THSD7A: variants seen among roughly 807,000 people sequenced by gnomAD.
THSD7A encodes the protein thrombospondin type 1 domain containing 7A, also known as thrombospondin type-1 domain-containing protein 7A.
A neutral mutation model predicts 231.3 loss-of-function variants in THSD7A; 96 were observed. The ratio of observed to expected loss-of-function variants is 0.41; its 90% CI spans 0.35 to 0.49. The LOEUF (loss-of-function observed/expected upper bound fraction) is 0.49. Ranked by LOEUF, THSD7A falls within the 20% of genes least tolerant of loss-of-function variation. The probability of loss-of-function intolerance (pLI) is 0.05; values close to 1 mark genes in which losing one functional copy is unlikely to be tolerated. For synonymous variants in THSD7A, 940 were observed against 743.3 expected, an observed-to-expected ratio of 1.26 and a Z score of -4.30; for missense variants, 2,290 against 2,070.2, an observed-to-expected ratio of 1.11 and a Z score of -2.06.
chr7:11,460,515 T>C, intron 11 of THSD7A, 147 bp downstream of exon 11: 1 of 516,154 alleles, frequency 1.9e-6, no homozygotes, highest in Non-Finnish European at 3.4e-6. Flanking sequence ...CATGTTTCTA[T>C]GTCCTGATGT....
At chr7:11,581,797 T>C (rs1347139509) in intron 4 of THSD7A, among the ~76,000 whole-genome samples, 3 of 152,120 alleles carry the variant, frequency 2.0e-5, no homozygotes, top group African/African-American at 4.8e-5. Flanking sequence ...TGTACACATA[T>C]ATGGCAAACT....
chr7:11,417,383 G>T, intron 17 of THSD7A, 67 bp downstream of exon 17: 1 of 1,376,528 alleles, frequency 7.3e-7, no homozygotes, highest in South Asian at 1.5e-5. Flanking sequence ...AAAAAATAAT[G>T]TCTTTAAAGC....
chr7:11,405,684 C>T (rs1210673833), intron 22 of THSD7A, among the ~76,000 whole-genome samples: 1 of 152,192 alleles, frequency 6.6e-6, no homozygotes, highest in Middle Eastern at 3.2e-3. Context: ...TCTACTTTTA[C>T]TGCATGCACT....
chr7:11,408,347 A>C (rs985020320), intron 19 of THSD7A, among the ~76,000 whole-genome samples: 5 of 151,968 alleles, frequency 3.3e-5, no homozygotes, highest in Non-Finnish European at 5.9e-5. Context: ...AAAATATAAA[A>C]ATTAGCTGGG....
At chr7:11,779,897 G>A (rs750305347) in intron 1 of THSD7A, among the ~76,000 whole-genome samples, 1 of 152,212 alleles carries the variant, frequency 6.6e-6, no homozygotes, top group Non-Finnish European at 1.5e-5. Context: ...CAGAATATGA[G>A]TGTGGGAACC....
chr7:11,568,640 A>AC (rs1790475820), intron 4 of THSD7A, among the ~76,000 whole-genome samples: 1 of 143,730 alleles, frequency 7.0e-6, no homozygotes, highest in African/African-American at 2.6e-5. Context: ...AAAAAAAAAA[A>AC]AAAAAAAAAA....
At chr7:11,601,916 G>C (rs1302101826) in intron 2 of THSD7A, among the ~76,000 whole-genome samples, 1 of 152,168 alleles carries the variant, frequency 6.6e-6, no homozygotes, top group Non-Finnish European at 1.5e-5. Flanking sequence ...GTAAGCAGTT[G>C]ACTGGAATTC....
At chr7:11,424,546 G>A (rs2115414903) in intron 16 of THSD7A, 150 bp downstream of exon 16, 1 of 1,058,562 alleles carries the variant, frequency 9.4e-7, no homozygotes, top group East Asian at 2.4e-5. Flanking sequence ...GATTCTCTTA[G>A]AGTTTTCTAT....
chr7:11,718,286 C>T (rs1221495807), intron 1 of THSD7A, among the ~76,000 whole-genome samples: 1 of 151,608 alleles, frequency 6.6e-6, no homozygotes. Flanking sequence ...AATTTGAGTA[C>T]ATTTAAATTT....
At chr7:11,449,122 C>A (rs1269363092) in intron 11 of THSD7A, among the ~76,000 whole-genome samples, 2 of 152,034 alleles carry the variant, frequency 1.3e-5, no homozygotes, top group South Asian at 4.1e-4. Context: ...TACCTATGCC[C>A]TTACTAAACT....
chr7:11,500,180 A>G (rs1420344943), intron 6 of THSD7A, among the ~76,000 whole-genome samples: 1 of 152,228 alleles, frequency 6.6e-6, no homozygotes, highest in Admixed American at 6.5e-5. Flanking sequence ...ATTCTTAAAG[A>G]AAAGAAAAAA....
chr7:11,647,875 C>T (rs1444782641), intron 1 of THSD7A, among the ~76,000 whole-genome samples: 1 of 152,066 alleles, frequency 6.6e-6, no homozygotes, highest in South Asian at 2.1e-4. Context: ...TGCGTCCATA[C>T]ATAGCACCCA....
chr7:11,420,399 G>C (rs193008714), intron 16 of THSD7A, among the ~76,000 whole-genome samples: 26 of 152,348 alleles, frequency 1.7e-4, no homozygotes, highest in African/African-American at 6.0e-4. Flanking sequence ...GTACAGCTCA[G>C]GCTATTGCAT....
chr7:11,822,900 G>A (rs1784915860), intron 1 of THSD7A, among the ~76,000 whole-genome samples: 1 of 151,936 alleles, frequency 6.6e-6, no homozygotes, highest in South Asian at 2.1e-4. Flanking sequence ...CATTCTGCAG[G>A]TTGTCTGTTC....
At position 11,773,685 on chromosome 7, in the gene THSD7A, A is replaced by G. The variant is rs181951462; in HGVS notation, c.190+58072T>C. On this transcript the variant is annotated intron_variant, in intron 1 of 27. Coordinates refer to ENST00000423059, the MANE Select transcript of THSD7A (RefSeq NM_015204.3). ...AATGTTTAATTATTATGGATTCATA[A>G]TAATACATATTTGTGGGGTACATTT... Among the ~76,000 whole-genome samples the G allele has an allele frequency of 4.5e-3, 687 of 152,156 alleles. 6 individuals are homozygous for G. The highest frequency in any genetic ancestry group is 0.016 in the African/African-American group (664 of 41,398).
intron 1 of THSD7A, among the ~76,000 whole-genome samples, chr7:11,830,922 A>G (rs1422153246): frequency 6.6e-6 from 1 of 152,140 alleles, no homozygotes; most frequent in Non-Finnish European, 1.5e-5. Context: ...TCCTATGAAC[A>G]TGTGAAGTTT....
chr7:11,479,939 A>G (rs943456995), intron 7 of THSD7A, among the ~76,000 whole-genome samples: 1 of 152,206 alleles, frequency 6.6e-6, no homozygotes, highest in South Asian at 2.1e-4. Flanking sequence ...CCTTGCTAAA[A>G]GAAATGATAA....
intron 16 of THSD7A, among the ~76,000 whole-genome samples, chr7:11,421,553 C>T (rs555492531): frequency 4.3e-4 from 65 of 152,146 alleles, no homozygotes; most frequent in African/African-American, 1.6e-3. Context: ...ATCTCTCTTC[C>T]TTTTATTTTT....
At chr7:11,691,767 A>T (rs1195369143) in intron 1 of THSD7A, among the ~76,000 whole-genome samples, 2 of 151,418 alleles carry the variant, frequency 1.3e-5, no homozygotes, top group Non-Finnish European at 3.0e-5. Flanking sequence ...TTTAGTAGCT[A>T]TTAAACTCCA....
Sources: allele counts gnomAD v4.1 joint callset (sites outside exome capture counted in the v4.1 genomes callset), GRCh38; gene constraint gnomAD v4.1.1; transcripts MANE v1.5; gene names NCBI Gene and HGNC (gene_info 2026-07-23, HGNC 2026-07-21).